The following BRAF variants were observed in gnomAD, a reference collection of about 807,000 sequenced individuals.
The protein encoded by BRAF is B-Raf proto-oncogene, serine/threonine kinase, also known as serine/threonine-protein kinase B-raf.
Under a neutral mutation model 104.6 loss-of-function variants are expected in BRAF, and 16 were observed. The observed-to-expected ratio is 0.15, with a 90% CI of 0.10 to 0.23. The LOEUF (loss-of-function observed/expected upper bound fraction) is 0.23, where lower values mean the gene tolerates loss of function less well. BRAF is among the 10% of genes least tolerant of loss of function. The pLI is 1.00. For missense variants in BRAF, 541 were observed against 937.3 expected (o/e 0.58, Z 5.52); for synonymous variants, 310 against 341.6 (o/e 0.91, Z 1.02).
intron 7 of BRAF, chr7:140,800,092 G>A: frequency 2.1e-6 from 1 of 476,392 alleles, no homozygotes; most frequent in East Asian, 3.6e-5. Flanking sequence ...CCAAAAGAAA[G>A]CAGTTCAAGA....
chr7:140,850,254 T>C (rs776178109), intron 1 of BRAF, 42 bp from the exon 2 acceptor site: 15 of 1,419,508 alleles, frequency 1.1e-5, no homozygotes, highest in Non-Finnish European at 1.5e-5. Flanking sequence ...AATCACTTAG[T>C]ATATGAATTA....
rs1237373884 is a variant in BRAF at position 140,726,352 on chromosome 7, C to A, written c.*142G>T. 1.4e-6 allele frequency: 2 copies of A among 1,444,048 alleles called. No homozygotes were observed. The highest frequency in any genetic ancestry group is 1.4e-5 in the African/African-American group (1 of 69,482). The allele number at this position is 1,444,048 out of a possible 1,614,324, so 89.5% of individuals were successfully genotyped here. ...TTCCTCTTTTGTTGGATGGGAAATT[C>A]CATTCTGTTCCACATCAGCTTATGC... On this transcript the variant is annotated 3_prime_UTR_variant, in exon 20 of 20. Transcript: ENST00000644969.
In BRAF at chr7:140,783,132, G is replaced by C. The variant is rs370130654; in HGVS notation, c.1323C>G (p.Thr441=). 1 of 1,613,998 alleles carries C rather than the reference G, an allele frequency of 6.2e-7. No individual in the cohort carries two copies. Among genetic ancestry groups the C allele is most frequent in the Admixed American group, 1.7e-5 (1 of 60,006 alleles). Residue 441 remains threonine (T), a synonymous_variant, in exon 11 of 20, where the codon ACC becomes ACG. Coordinates refer to ENST00000644969, the MANE Select transcript of BRAF (RefSeq NM_001374258.1). ...GTGAGCCAGGTAATGAGGCAGGGGGGGTAGCAGACAAACCTGTGGTTGATC... is the reference window on the plus strand; with the variant it reads ...GTGAGCCAGGTAATGAGGCAGGGGGCGTAGCAGACAAACCTGTGGTTGATC... ...FRGSTTGLSA[T]PPASLPGSLT...
chr7:140,804,819 T>A (rs1178992024), intron 5 of BRAF, among the ~76,000 whole-genome samples: 15 of 152,140 alleles, frequency 9.9e-5, no homozygotes, highest in Admixed American at 9.8e-4. Context: ...TCTTTTCTTT[T>A]TTTTTTGATA....
chr7:140,726,175 A>G lies in BRAF; in HGVS notation c.*319T>C, dbSNP rs1585898173. 1 of 1,167,288 alleles carries G rather than the reference A, an allele frequency of 8.6e-7. No homozygotes were observed. The highest frequency in any genetic ancestry group is 3.9e-5 in the East Asian group (1 of 25,608). The allele number at this position is 1,167,288 out of a possible 1,614,324, so 72.3% of individuals were successfully genotyped here. A position where few individuals can be genotyped will look rare whatever the true frequency, so the allele number is the denominator to read the frequency against. On this transcript the variant is annotated 3_prime_UTR_variant, in exon 20 of 20. Transcript: ENST00000644969. ...TTCCATAGCAAATCTCCCAAGCTGT[A>G]GCAGCAGTTTCTTTCCATCATGCCT...
intron 3 of BRAF, among the ~76,000 whole-genome samples, chr7:140,818,425 G>T (rs1028083200): frequency 6.6e-6 from 1 of 151,184 alleles, no homozygotes; most frequent in African/African-American, 2.4e-5. Context: ...CAATTCTCCC[G>T]CCTCAGCCTC....
intron 8 of BRAF, among the ~76,000 whole-genome samples, chr7:140,788,108 C>G (rs1333229961): frequency 1.3e-5 from 2 of 152,034 alleles, no homozygotes; most frequent in Non-Finnish European, 2.9e-5. Context: ...TACGTAACAA[C>G]CCTGCACATC....
At chr7:140,792,460 A>G (rs1396429830) in intron 8 of BRAF, among the ~76,000 whole-genome samples, 1 of 152,134 alleles carries the variant, frequency 6.6e-6, no homozygotes. Flanking sequence ...CCTGGACCCT[A>G]AACTTCAATA....
At chr7:140,781,765 C>T in intron 11 of BRAF, 72 bp from the exon 11 acceptor site, 1 of 1,218,482 alleles carries the variant, frequency 8.2e-7, no homozygotes, top group Admixed American at 1.7e-5. Context: ...ACCCTAAGTA[C>T]ATTACCTTAT....
chr7:140,788,204 C>T (rs960100580), intron 8 of BRAF, among the ~76,000 whole-genome samples: 2 of 152,018 alleles, frequency 1.3e-5, no homozygotes, highest in African/African-American at 2.4e-5. Flanking sequence ...TACTGGTGCA[C>T]ATTAAGAGAG....
chr7:140,924,481 C>T lies in BRAF; in HGVS notation c.138+85G>A. On this transcript the variant is annotated intron_variant, in intron 1 of 19. Coordinates refer to ENST00000644969, the MANE Select transcript of BRAF (RefSeq NM_001374258.1). The surrounding 1 kb of genome is among the most constrained non-coding windows in gnomAD (Gnocchi z 4.2). ...AGAAGGTGGCTGAGGGCATCAAGCC[C>T]CCACCGCCGCCTCTTTCCAAAATAA... The T allele has an allele frequency of 6.6e-7, 1 of 1,522,546 alleles. No homozygotes were observed. Among genetic ancestry groups the T allele is most frequent in the Non-Finnish European group, 8.8e-7 (1 of 1,138,270 alleles). The allele number at this position is 1,522,546 out of a possible 1,614,324, so 94.3% of individuals were successfully genotyped here.
At chr7:140,744,842 GT>G (rs1353371695) in intron 17 of BRAF, among the ~76,000 whole-genome samples, 1 of 151,904 alleles carries the variant, frequency 6.6e-6, no homozygotes, top group Non-Finnish European at 1.5e-5. Context: ...ACTTTCATCA[GT>G]TATATATTAC....
At chr7:140,762,995 C>T (rs1185684419) in intron 14 of BRAF, among the ~76,000 whole-genome samples, 1 of 152,160 alleles carries the variant, frequency 6.6e-6, no homozygotes, top group Non-Finnish European at 1.5e-5. Flanking sequence ...GAAAAGTCTC[C>T]CATGTCTACC....
At chr7:140,912,710 C>T (rs1817124161) in intron 1 of BRAF, among the ~76,000 whole-genome samples, 1 of 152,134 alleles carries the variant, frequency 6.6e-6, no homozygotes, top group Admixed American at 6.5e-5. Flanking sequence ...CAATATTTCA[C>T]CTAATTTTTG....
chr7:140,777,188 A>G, intron 13 of BRAF, 100 bp from the exon 13 acceptor site: 1 of 1,330,858 alleles, frequency 7.5e-7, no homozygotes, highest in Non-Finnish European at 1.0e-6. Context: ...TGTTGTCAGA[A>G]AAAGCTTTTT....
intron 1 of BRAF, among the ~76,000 whole-genome samples, chr7:140,923,691 A>G (rs1183297354): frequency 6.6e-6 from 1 of 152,230 alleles, no homozygotes; most frequent in East Asian, 1.9e-4. Flanking sequence ...TCAGAAAACA[A>G]GTAGCTCCAA....
At chr7:140,745,876 G>C (rs962603834) in intron 17 of BRAF, among the ~76,000 whole-genome samples, 7 of 152,180 alleles carry the variant, frequency 4.6e-5, no homozygotes, top group Non-Finnish European at 8.8e-5. Context: ...TTAGAACCTA[G>C]CAACCACGCT....
intron 3 of BRAF, among the ~76,000 whole-genome samples, chr7:140,823,337 C>G (rs1250918598): frequency 2.0e-5 from 3 of 152,068 alleles, no homozygotes; most frequent in Non-Finnish European, 4.4e-5. Context: ...CTTCCCCCAG[C>G]CCCTGGCAAG....
intron 10 of BRAF, chr7:140,783,550 T>C (rs1801085244): frequency 4.3e-6 from 1 of 231,752 alleles, no homozygotes; most frequent in African/African-American, 2.2e-5. Flanking sequence ...CATTTTTAAT[T>C]AATTATTTAA....
Sources: allele counts gnomAD v4.1 joint callset (sites outside exome capture counted in the v4.1 genomes callset), GRCh38; gene constraint gnomAD v4.1.1; non-coding constraint Gnocchi (gnomAD v3.1); transcripts MANE v1.5; gene names NCBI Gene and HGNC (gene_info 2026-07-23, HGNC 2026-07-21).